ANAPC1: variants seen among roughly 807,000 people sequenced by gnomAD.
ANAPC1 encodes the protein anaphase promoting complex subunit 1.
In ANAPC1, 36 loss-of-function variants were observed where a neutral mutation model predicts 208.0. The observed-to-expected ratio is 0.17, with a 90% CI of 0.13 to 0.23. The LOEUF (loss-of-function observed/expected upper bound fraction) is 0.23, where lower values mean the gene tolerates loss of function less well. Ranked by LOEUF, ANAPC1 falls within the 10% of genes least tolerant of loss-of-function variation. The pLI is 1.00. For synonymous variants in ANAPC1, 378 were observed against 695.2 expected, an observed-to-expected ratio of 0.54 and a Z score of 7.18; for missense variants, 942 against 2,011.6, an observed-to-expected ratio of 0.47 and a Z score of 10.17.
chr2:111,872,848 G>A (rs147196459), intron 5 of ANAPC1, 136 bp from the exon 6 acceptor site: 137 of 621,396 alleles, frequency 2.2e-4, no homozygotes, highest in South Asian at 1.7e-3. Context: ...CATTAAATAC[G>A]GTATTTTCTT....
intron 10 of ANAPC1, among the ~76,000 whole-genome samples, chr2:111,861,658 A>C (rs1682074805): frequency 7.7e-6 from 1 of 130,616 alleles, no homozygotes; most frequent in Non-Finnish European, 1.6e-5. Context: ...TTGGCATATA[A>C]ATTAACACGT....
chr2:111,827,315 A>C (rs1052926065), intron 21 of ANAPC1, among the ~76,000 whole-genome samples: 1 of 152,180 alleles, frequency 6.6e-6, no homozygotes, highest in African/African-American at 2.4e-5. Context: ...AGTACATAAG[A>C]TCTCTCTATT....
At chr2:111,874,668 CT>C (rs1682930772) in intron 3 of ANAPC1, among the ~76,000 whole-genome samples, 1 of 152,242 alleles carries the variant, frequency 6.6e-6, no homozygotes, top group Non-Finnish European at 1.5e-5. Flanking sequence ...ATCCATTCAT[CT>C]GTCAATGGAC....
At chr2:111,798,866 C>T (rs1678293767) in intron 34 of ANAPC1, among the ~76,000 whole-genome samples, 1 of 152,142 alleles carries the variant, frequency 6.6e-6, no homozygotes. Flanking sequence ...AACCCCGTCT[C>T]TACTAAAAAT....
Position 111,857,922 on chromosome 2 carries a change from G to A in ANAPC1, c.1358+384C>T, listed in dbSNP as rs193247290. Among the ~76,000 whole-genome samples, 30 of 151,998 alleles carry A rather than the reference G, an allele frequency of 2.0e-4. No homozygotes were observed. In the East Asian group the frequency reaches 5.6e-3, roughly 28 times the overall value. The stretch of plus-strand genomic sequence containing the variant: ...AAATGGTGGATCCTAAAAACATCAC[G>A]CTAAGTGAAAGCTAAACACAAAAAG... On this transcript the variant is annotated intron_variant, in intron 11 of 47. Transcript: ENST00000341068.
chr2:111,845,383 T>C (rs908231832), intron 16 of ANAPC1, among the ~76,000 whole-genome samples: 3 of 152,184 alleles, frequency 2.0e-5, no homozygotes, highest in Admixed American at 1.3e-4. Context: ...ATCCCATCAG[T>C]TTGCAATGTG....
At chr2:111,868,167 GA>G in intron 6 of ANAPC1, 71 bp from the exon 7 acceptor site, 1 of 1,017,300 alleles carries the variant, frequency 9.8e-7, no homozygotes, top group Non-Finnish European at 1.4e-6. Flanking sequence ...CACTTCTATT[GA>G]AAAGAAATCT....
chr2:111,766,653 G>C, downstream of ANAPC1: 1 of 297,162 alleles, frequency 3.4e-6, no homozygotes, highest in South Asian at 3.2e-5. Flanking sequence ...CCCCACATGC[G>C]GGAGGCAACG....
At chr2:111,815,850 A>AC (rs1679203323) in intron 27 of ANAPC1, among the ~76,000 whole-genome samples, 4 of 112,272 alleles carry the variant, frequency 3.6e-5, no homozygotes, top group African/African-American at 1.3e-4. Context: ...TTCACTGTCT[A>AC]AACAGTTCAT....
chr2:111,864,889 T>G lies in ANAPC1; in HGVS notation c.748A>C (p.Asn250His). ...VDHAMKIVFL[N>H]TDPSIVMTYD... The stretch of plus-strand genomic sequence containing the variant: ...GTCATTACAATAGAGGGGTCAGTAT[T>G]GAGGAAAACAATTTTCATTGCATGA... The change falls in exon 8 of 48, where the codon AAT becomes CAT. Residue 250 changes from asparagine to histidine, a missense_variant. Transcript: ENST00000341068. 1.2e-6 allele frequency: 2 copies of G among 1,611,672 alleles called. No individual in the cohort carries two copies. Among genetic ancestry groups the G allele is most frequent in the Non-Finnish European group, 1.7e-6 (2 of 1,179,786 alleles).
intron 6 of ANAPC1, among the ~76,000 whole-genome samples, chr2:111,871,993 T>C (rs1452774540): frequency 1.3e-5 from 2 of 152,234 alleles, no homozygotes; most frequent in African/African-American, 2.4e-5. Context: ...TTCTTTCACT[T>C]GCCTGATTGC....
intron 13 of ANAPC1, among the ~76,000 whole-genome samples, chr2:111,855,824 GA>G: frequency 6.6e-6 from 1 of 152,130 alleles, no homozygotes; most frequent in South Asian, 2.1e-4. Context: ...TTCTTAACCA[GA>G]GTACTGGGTA....
intron 45 of ANAPC1, 43 bp from the exon 46 acceptor site, chr2:111,777,100 G>C (rs775051017): frequency 2.0e-6 from 1 of 489,254 alleles, no homozygotes; most frequent in African/African-American, 2.1e-5. Context: ...ATCAAAGAGT[G>C]CTCTGTCTCT....
chr2:111,812,093 GC>G (rs1000876041), intron 28 of ANAPC1, among the ~76,000 whole-genome samples: 2 of 129,796 alleles, frequency 1.5e-5, no homozygotes, highest in African/African-American at 5.8e-5. Flanking sequence ...TACAGGAAAT[GC>G]ATAGTGAATA....
chr2:111,770,487 C>A (rs1307020437), intron 47 of ANAPC1, among the ~76,000 whole-genome samples: 1 of 148,208 alleles, frequency 6.7e-6, no homozygotes, highest in Admixed American at 6.7e-5. Flanking sequence ...TTTCAAAATT[C>A]TTAGCTTCTG....
At chr2:111,822,931 A>T (rs1679611057) in intron 24 of ANAPC1, among the ~76,000 whole-genome samples, 1 of 151,930 alleles carries the variant, frequency 6.6e-6, no homozygotes, top group Non-Finnish European at 1.5e-5. Flanking sequence ...CTACTGAGAA[A>T]TATAAATGTC....
At position 111,880,734 on chromosome 2, in the gene ANAPC1, T is replaced by C; in HGVS notation, c.92A>G (p.His31Arg). Residue 31 changes from histidine (H) to arginine (R), a missense_variant, in exon 2 of 48, where the codon CAC (histidine) becomes CGC (arginine). Transcript: ENST00000341068. ...AAGTTGAAGGTTCAAAGCATTAGGG[T>C]GGTGCTTGCAGTGGTCTCGACCAAA... ...VPFGRDHCKH[H>R]PNALNLQLRQ... The C allele has an allele frequency of 1.2e-6, 2 of 1,613,918 alleles. No individual in the cohort carries two copies. The highest frequency in any genetic ancestry group is 2.2e-5 in the South Asian group (2 of 91,070).
chr2:111,798,621 TA>T (rs1463773828), intron 34 of ANAPC1, among the ~76,000 whole-genome samples: 1 of 152,070 alleles, frequency 6.6e-6, no homozygotes, highest in Non-Finnish European at 1.5e-5. Context: ...GAATAGAGAA[TA>T]ACCATAAGAA....
At chr2:111,791,847 T>C (rs925597132) in intron 38 of ANAPC1, among the ~76,000 whole-genome samples, 1 of 149,962 alleles carries the variant, frequency 6.7e-6, no homozygotes, top group Non-Finnish European at 1.5e-5. Flanking sequence ...ACAAAGAGAT[T>C]TTTCTGTGGT....
Sources: allele counts gnomAD v4.1 joint callset (sites outside exome capture counted in the v4.1 genomes callset), GRCh38; gene constraint gnomAD v4.1.1; transcripts MANE v1.5; gene names NCBI Gene and HGNC (gene_info 2026-07-23, HGNC 2026-07-21).